FGF18: variants seen among roughly 807,000 people sequenced by gnomAD.
FGF18 encodes the protein fibroblast growth factor 18.
A neutral mutation model predicts 23.0 loss-of-function variants in FGF18; 5 were observed. The ratio of observed to expected loss-of-function variants is 0.22; its 90% CI spans 0.11 to 0.46. The LOEUF is 0.46. FGF18 is among the 20% of genes least tolerant of loss of function. The pLI is 0.99. For synonymous variants in FGF18, 117 were observed against 118.9 expected (o/e 0.98, Z 0.10); for missense variants, 180 against 291.6 (o/e 0.62, Z 2.79).
At chr5:171,420,340 G>T in intron 1 of FGF18, 67 bp from the exon 2 acceptor site, 1 of 1,606,382 alleles carries the variant, frequency 6.2e-7, no homozygotes, top group Non-Finnish European at 8.5e-7. Flanking sequence ...CTTCGACTGC[G>T]TGTCTGTCTG....
chr5:171,436,151 C>A lies in FGF18; in HGVS notation c.128C>A (p.Ala43Asp). The A allele has an allele frequency of 6.2e-7, 1 of 1,600,250 alleles. No individual in the cohort carries two copies. Among genetic ancestry groups the A allele is most frequent in the Non-Finnish European group, 8.5e-7 (1 of 1,171,534 alleles). ...FRIHVENQTR[A>D]RDDVSRKQLR... ...ATCCACGTGGAGAACCAGACGCGGG[C>A]TCGGGACGATGTGAGCCGTAAGCAG... Residue 43 changes from alanine to aspartate, a missense_variant, in exon 3 of 5, where the codon GCT becomes GAT. Ala to Asp is a moderately radical substitution (Grantham distance 126). This residue lies in a region of FGF18 where 57 missense variants were observed against 59.8 expected (regional missense o/e 0.95). Coordinates refer to ENST00000274625, the MANE Select transcript of FGF18 (RefSeq NM_003862.3). This position sits in a 1 kb window ranked among gnomAD's most constrained non-coding sequence, Gnocchi z 4.4.
intron 4 of FGF18, among the ~76,000 whole-genome samples, chr5:171,453,019 A>C (rs1395686413): frequency 6.6e-6 from 1 of 152,174 alleles, no homozygotes; most frequent in African/African-American, 2.4e-5. Flanking sequence ...TGGAGGTGGT[A>C]GTAGGAAAGA....
At chr5:171,444,946 G>A (rs1772398464) in intron 3 of FGF18, among the ~76,000 whole-genome samples, 1 of 152,180 alleles carries the variant, frequency 6.6e-6, no homozygotes, top group African/African-American at 2.4e-5. Flanking sequence ...CTTTCTGCTG[G>A]GTGGAGACCG....
intron 2 of FGF18, among the ~76,000 whole-genome samples, chr5:171,420,774 G>A (rs1278792888): frequency 6.6e-6 from 1 of 152,280 alleles, no homozygotes; most frequent in Non-Finnish European, 1.5e-5. Context: ...CCAGCGAGGG[G>A]TAGGACCTAG....
chr5:171,441,093 C>T (rs759692345), intron 3 of FGF18, among the ~76,000 whole-genome samples: 5 of 152,168 alleles, frequency 3.3e-5, no homozygotes, highest in Admixed American at 6.5e-5. Context: ...GGAGGAAGGT[C>T]GGGGCTTCAG....
At chr5:171,444,869 G>A (rs901166770) in intron 3 of FGF18, among the ~76,000 whole-genome samples, 1 of 152,230 alleles carries the variant, frequency 6.6e-6, no homozygotes, top group African/African-American at 2.4e-5. Flanking sequence ...TCTGAGCCGG[G>A]CGTGGGATAG....
chr5:171,447,975 G>A (rs1042939496), intron 3 of FGF18, among the ~76,000 whole-genome samples: 1 of 152,152 alleles, frequency 6.6e-6, no homozygotes, highest in Non-Finnish European at 1.5e-5. Context: ...CAGGCACAGC[G>A]GTTTAAGACC....
chr5:171,451,122 G>A lies in FGF18; in HGVS notation c.357+1869G>A, dbSNP rs1011564730. On this transcript the variant is annotated intron_variant, in intron 4 of 4. Transcript: ENST00000274625. The surrounding 1 kb of genome is among the most constrained non-coding windows in gnomAD (Gnocchi z 4.5). ...CTGAGTCACCGCTTCCACAGGAGCC[G>A]GCTCCGATTTCCTGCCCCCTCGCCC... is the stretch of plus-strand genomic sequence containing the variant. Among the ~76,000 whole-genome samples the A allele has an allele frequency of 1.4e-5, 2 of 138,758 alleles. No individual in the cohort carries two copies. The highest frequency in any genetic ancestry group is 5.3e-5 in the African/African-American group (2 of 37,504). The allele number at this position is 138,758 out of a possible 152,430, so 91.0% of individuals were successfully genotyped here. A position where few individuals can be genotyped will look rare whatever the true frequency, so the allele number is the denominator to read the frequency against.
Position 171,431,056 on chromosome 5 carries a change from G to A in FGF18, c.70-5037G>A, listed in dbSNP as rs1470171386. On this transcript the variant is annotated intron_variant, in intron 2 of 4. Coordinates refer to ENST00000274625, the MANE Select transcript of FGF18 (RefSeq NM_003862.3). ...CGCACATTTGTGGAAGGTGGAAATG[G>A]GGGCCAGGAAGAAAGAGGAAAATCC... Among the ~76,000 whole-genome samples the A allele has an allele frequency of 5.9e-5, 9 of 152,100 alleles. 1 individual carries two copies. Among genetic ancestry groups the A allele is most frequent in the Admixed American group, 5.9e-4 (9 of 15,256 alleles).
At chr5:171,428,469 A>G (rs963572195) in intron 2 of FGF18, among the ~76,000 whole-genome samples, 1 of 152,168 alleles carries the variant, frequency 6.6e-6, no homozygotes, top group African/African-American at 2.4e-5. Context: ...GCCTGGGTAG[A>G]TGTTTCACGT....
At chr5:171,444,925 C>T (rs1025247347) in intron 3 of FGF18, among the ~76,000 whole-genome samples, 32 of 152,196 alleles carry the variant, frequency 2.1e-4, no homozygotes, top group South Asian at 1.2e-3. Context: ...TTCTTGTCCT[C>T]GTGGAGCTTA....
intron 3 of FGF18, among the ~76,000 whole-genome samples, chr5:171,443,795 G>A (rs149182611): frequency 1.6e-3 from 244 of 152,258 alleles, no homozygotes; most frequent in African/African-American, 5.6e-3. Flanking sequence ...TGCCGGAGAA[G>A]GGAGCAGATC....
chr5:171,429,588 C>A (rs1772147551), intron 2 of FGF18, among the ~76,000 whole-genome samples: 1 of 152,256 alleles, frequency 6.6e-6, no homozygotes, highest in Non-Finnish European at 1.5e-5. Context: ...AAAGCCTTGG[C>A]TGGCCCGATG....
chr5:171,422,044 G>A (rs1320708746), intron 2 of FGF18, among the ~76,000 whole-genome samples: 1 of 152,150 alleles, frequency 6.6e-6, no homozygotes, highest in Non-Finnish European at 1.5e-5. Flanking sequence ...GCTGTGCCTG[G>A]GGGCAGGAGG....
At chr5:171,452,298 G>A (rs1435774456) in intron 4 of FGF18, among the ~76,000 whole-genome samples, 2 of 152,184 alleles carry the variant, frequency 1.3e-5, no homozygotes, top group East Asian at 1.9e-4. Flanking sequence ...CTGTGGGAAC[G>A]CCTGGTCTCA....
chr5:171,456,955 T>C lies in FGF18; in HGVS notation c.*150T>C. 1 of 984,886 alleles carries C rather than the reference T, an allele frequency of 1.0e-6. No individual in the cohort carries two copies. Among genetic ancestry groups the C allele is most frequent in the Non-Finnish European group, 1.5e-6 (1 of 689,368 alleles). The allele number at this position is 984,886 out of a possible 1,614,324, so 61.0% of individuals were successfully genotyped here. ...GAAGACAAAAACTGAACCAAAACTCTTGGGGGGAGGGGTGATAAGGATTTT... is the reference window on the plus strand; with the variant it reads ...GAAGACAAAAACTGAACCAAAACTCCTGGGGGGAGGGGTGATAAGGATTTT... On this transcript the variant is annotated 3_prime_UTR_variant, in exon 5 of 5. Coordinates refer to ENST00000274625, the MANE Select transcript of FGF18 (RefSeq NM_003862.3). The surrounding 1 kb of genome is among the most constrained non-coding windows in gnomAD (Gnocchi z 6.1).
At chr5:171,453,888 C>T (rs1772548272) in intron 4 of FGF18, among the ~76,000 whole-genome samples, 1 of 151,960 alleles carries the variant, frequency 6.6e-6, no homozygotes, top group African/African-American at 2.4e-5. Flanking sequence ...CTGTTTTCTT[C>T]AGGAGGAAAC....
At chr5:171,452,888 A>G (rs922600229) in intron 4 of FGF18, among the ~76,000 whole-genome samples, 16 of 152,144 alleles carry the variant, frequency 1.1e-4, no homozygotes, top group African/African-American at 3.6e-4. Context: ...ACAAAAACCA[A>G]CAGTCCAGGG....
chr5:171,441,207 C>T (rs1003505313), intron 3 of FGF18, among the ~76,000 whole-genome samples: 6 of 152,138 alleles, frequency 3.9e-5, no homozygotes, highest in Non-Finnish European at 5.9e-5. Flanking sequence ...GAGTGGCTGA[C>T]GTAGCAGGGA....
Sources: allele counts gnomAD v4.1 joint callset (sites outside exome capture counted in the v4.1 genomes callset), GRCh38; gene constraint gnomAD v4.1.1; regional missense constraint gnomAD v4.1.1; non-coding constraint Gnocchi (gnomAD v3.1); transcripts MANE v1.5; gene names NCBI Gene and HGNC (gene_info 2026-07-23, HGNC 2026-07-21).